Variants in ITFG1 observed in about 807,000 individuals in gnomAD.
The protein encoded by ITFG1 is T-cell immunomodulatory protein.
A neutral mutation model predicts 81.8 loss-of-function variants in ITFG1; 34 were observed. That is an observed-to-expected ratio of 0.42 (90% CI 0.32 to 0.55). The LOEUF (loss-of-function observed/expected upper bound fraction) is 0.55, where lower values mean the gene tolerates loss of function less well. Among genes scored for constraint, ITFG1 ranks in the 20% least tolerant of loss-of-function variants. The probability of loss-of-function intolerance (pLI) is 0.17; values close to 1 mark genes in which losing one functional copy is unlikely to be tolerated. For missense variants in ITFG1, 672 were observed against 755.4 expected, an observed-to-expected ratio of 0.89 and a Z score of 1.29; for synonymous variants, 285 against 270.6, an observed-to-expected ratio of 1.05 and a Z score of -0.52.
intron 8 of ITFG1, among the ~76,000 whole-genome samples, chr16:47,359,898 ATTAAT>A (rs1183626043): frequency 6.6e-6 from 1 of 152,168 alleles, no homozygotes; most frequent in Non-Finnish European, 1.5e-5. Flanking sequence ...ATAATTCCTT[ATTAAT>A]TTAATTGTTT....
chr16:47,167,069 T>A (rs1448865537), intron 14 of ITFG1, among the ~76,000 whole-genome samples: 1 of 152,166 alleles, frequency 6.6e-6, no homozygotes, highest in Non-Finnish European at 1.5e-5. Context: ...GTTTGCAAAC[T>A]TTTTCATCAC....
chr16:47,161,436 CA>C (rs1167411499), intron 16 of ITFG1: 1 of 181,660 alleles, frequency 5.5e-6, no homozygotes, highest in Admixed American at 5.7e-5. Context: ...GTGCTTTATA[CA>C]AAGATTTAGT....
chr16:47,295,433 G>A (rs1271943143), intron 10 of ITFG1, among the ~76,000 whole-genome samples: 2 of 152,086 alleles, frequency 1.3e-5, no homozygotes, highest in Admixed American at 6.6e-5. Context: ...CAGTCCACAC[G>A]GTCATGCAGC....
intron 6 of ITFG1, among the ~76,000 whole-genome samples, chr16:47,391,677 C>T (rs117835277): frequency 3.3e-5 from 5 of 152,268 alleles, no homozygotes; most frequent in African/African-American, 4.8e-5. Flanking sequence ...TGAAAGGCTT[C>T]TGAAGATCCT....
intron 8 of ITFG1, among the ~76,000 whole-genome samples, chr16:47,340,507 G>T (rs1195668900): frequency 6.6e-6 from 1 of 151,748 alleles, no homozygotes; most frequent in Non-Finnish European, 1.5e-5. Flanking sequence ...TAATACCCAT[G>T]GTAACCACAA....
intron 5 of ITFG1, chr16:47,448,492 G>A (rs140351895): frequency 6.6e-6 from 1 of 151,960 alleles, no homozygotes; most frequent in African/African-American, 2.4e-5. Flanking sequence ...CACTTGTGAT[G>A]TAAACAGTGT....
At chr16:47,393,018 G>A (rs1968551889) in intron 6 of ITFG1, among the ~76,000 whole-genome samples, 1 of 152,218 alleles carries the variant, frequency 6.6e-6, no homozygotes, top group South Asian at 2.1e-4. Context: ...TATGTCCAAA[G>A]ATGGATAATA....
At chr16:47,364,699 GA>G (rs1386936311) in intron 8 of ITFG1, among the ~76,000 whole-genome samples, 1 of 152,132 alleles carries the variant, frequency 6.6e-6, no homozygotes. Context: ...GGACAACATA[GA>G]GATTCATGTT....
At chr16:47,295,804 A>G (rs916121086) in intron 10 of ITFG1, among the ~76,000 whole-genome samples, 3 of 151,936 alleles carry the variant, frequency 2.0e-5, no homozygotes, top group African/African-American at 7.2e-5. Flanking sequence ...TTTATTTAGT[A>G]CTGCTTTAAT....
intron 12 of ITFG1, among the ~76,000 whole-genome samples, chr16:47,251,026 G>A (rs1358060840): frequency 3.3e-5 from 5 of 152,200 alleles, no homozygotes; most frequent in African/African-American, 7.2e-5. Flanking sequence ...TCTAGTCAGT[G>A]CCCTATATAA....
At chr16:47,261,901 G>A (rs1348910428) in intron 10 of ITFG1, among the ~76,000 whole-genome samples, 1 of 152,146 alleles carries the variant, frequency 6.6e-6, no homozygotes, top group Admixed American at 6.5e-5. Context: ...TCAAACTCCT[G>A]AGCTCAAGTG....
chr16:47,167,739 C>T (rs1267553617), intron 14 of ITFG1, among the ~76,000 whole-genome samples: 3 of 152,100 alleles, frequency 2.0e-5, no homozygotes, highest in East Asian at 1.9e-4. Flanking sequence ...TACACGGACG[C>T]GCATGAAAAG....
intron 8 of ITFG1, among the ~76,000 whole-genome samples, chr16:47,353,169 C>G (rs1257049171): frequency 6.6e-6 from 1 of 151,658 alleles, no homozygotes; most frequent in African/African-American, 2.4e-5. Flanking sequence ...TGTAACAAAC[C>G]TGCACATTGT....
intron 10 of ITFG1, among the ~76,000 whole-genome samples, chr16:47,267,781 C>T (rs2151544891): frequency 6.6e-6 from 1 of 151,912 alleles, no homozygotes; most frequent in African/African-American, 2.4e-5. Flanking sequence ...TTTTTTAAAA[C>T]TGAAAATAAA....
intron 10 of ITFG1, among the ~76,000 whole-genome samples, chr16:47,309,791 T>G (rs1007842562): frequency 3.1e-4 from 47 of 152,244 alleles, no homozygotes; most frequent in African/African-American, 1.0e-3. Context: ...TATTGCTGAA[T>G]GGCAAAGGAA....
intron 14 of ITFG1, among the ~76,000 whole-genome samples, chr16:47,182,593 G>T (rs1184545878): frequency 6.6e-6 from 1 of 152,178 alleles, no homozygotes; most frequent in African/African-American, 2.4e-5. Context: ...TTGACCTGGA[G>T]ATGCTTAAAG....
chr16:47,195,723 TTTG>T (rs752361709), intron 14 of ITFG1, among the ~76,000 whole-genome samples: 1 of 152,122 alleles, frequency 6.6e-6, no homozygotes, highest in South Asian at 2.1e-4. Flanking sequence ...TCACTTTCTT[TTTG>T]TTGTTGTTGT....
chr16:47,292,916 T>A (rs1395309309), intron 10 of ITFG1, among the ~76,000 whole-genome samples: 5 of 151,468 alleles, frequency 3.3e-5, no homozygotes, highest in African/African-American at 1.2e-4. Context: ...AACTTGACTT[T>A]GTTTCTGAAT....
At chr16:47,251,502 G>T (rs1170816475) in intron 12 of ITFG1, among the ~76,000 whole-genome samples, 1 of 147,836 alleles carries the variant, frequency 6.8e-6, no homozygotes, top group Non-Finnish European at 1.5e-5. Context: ...AACTCCTCAT[G>T]CACAAGAAGA....
Sources: gnomAD v4.1 joint callset for allele counts (sites outside exome capture counted in the v4.1 genomes callset) on GRCh38, gnomAD v4.1.1 for gene constraint, MANE v1.5 for transcripts, NCBI Gene and HGNC (gene_info 2026-07-23, HGNC 2026-07-21) for gene names.